The following RCAN2 variants were observed in gnomAD, a reference collection of about 807,000 sequenced individuals.
The protein encoded by RCAN2 is calcipressin-2.
RCAN2 carries 9 observed loss-of-function variants against 23.6 expected under a neutral mutation model. The ratio of observed to expected loss-of-function variants is 0.38; its 90% CI spans 0.23 to 0.67. RCAN2 has a LOEUF of 0.67. RCAN2 is among the 30% of genes least tolerant of loss of function. The pLI is 0.51. For missense variants in RCAN2, 273 were observed against 302.3 expected, an observed-to-expected ratio of 0.90 and a Z score of 0.72; for synonymous variants, 109 against 115.7, an observed-to-expected ratio of 0.94 and a Z score of 0.37.
chr6:46,375,001 G>A (rs763864129), intron 2 of RCAN2, among the ~76,000 whole-genome samples: 1 of 152,140 alleles, frequency 6.6e-6, no homozygotes, highest in Admixed American at 6.5e-5. Context: ...CTGCCTCCCG[G>A]GTTCAAGCAA....
At chr6:46,357,120 C>T (rs1192078659) in intron 2 of RCAN2, among the ~76,000 whole-genome samples, 1 of 152,084 alleles carries the variant, frequency 6.6e-6, no homozygotes, top group South Asian at 2.1e-4. Flanking sequence ...CTGCCTCTGC[C>T]AAGACATAAG....
intron 2 of RCAN2, among the ~76,000 whole-genome samples, chr6:46,349,025 T>C (rs1764570858): frequency 1.3e-5 from 2 of 152,284 alleles, no homozygotes; most frequent in Admixed American, 6.5e-5. Flanking sequence ...AATAGGACAG[T>C]TGAGTCAGAA....
At position 46,221,803 on chromosome 6, in the gene RCAN2, C is replaced by T. The variant is rs539274695; in HGVS notation, c.*1338G>A. ...GCATCTAAAGTAATTCATTAATGTA[C>T]AGGAGTAGATGAGGCCTGGCACACA... On this transcript the variant is annotated 3_prime_UTR_variant, in exon 5 of 5. Coordinates refer to ENST00000371374, the MANE Select transcript of RCAN2 (RefSeq NM_001251974.2). The T allele has an allele frequency of 5.0e-6, 2 of 396,756 alleles. No homozygotes were observed. Among genetic ancestry groups the T allele is most frequent in the South Asian group, 2.7e-4 (2 of 7,342 alleles). 24.6% of individuals were successfully genotyped at this position (396,756 alleles called of 1,614,324 possible). A position where few individuals can be genotyped will look rare whatever the true frequency, so the allele number is the denominator to read the frequency against.
chr6:46,413,405 T>C (rs928559619), intron 2 of RCAN2, among the ~76,000 whole-genome samples: 2 of 152,240 alleles, frequency 1.3e-5, no homozygotes, highest in African/African-American at 4.8e-5. Flanking sequence ...GATTTCCTGC[T>C]AAGATTTTTT....
At chr6:46,265,273 G>T (rs1048513083) in intron 2 of RCAN2, among the ~76,000 whole-genome samples, 1 of 152,150 alleles carries the variant, frequency 6.6e-6, no homozygotes, top group Non-Finnish European at 1.5e-5. Flanking sequence ...TTTCCTCCGT[G>T]TGTGTGGGTA....
At chr6:46,370,716 G>T (rs1765300987) in intron 2 of RCAN2, among the ~76,000 whole-genome samples, 1 of 152,168 alleles carries the variant, frequency 6.6e-6, no homozygotes, top group South Asian at 2.1e-4. Flanking sequence ...ATTTCAGTGT[G>T]TGATCTCTTC....
intron 2 of RCAN2, among the ~76,000 whole-genome samples, chr6:46,299,753 G>C (rs1019878926): frequency 2.0e-5 from 3 of 151,874 alleles, no homozygotes; most frequent in South Asian, 2.1e-4. Flanking sequence ...TACCCTCACT[G>C]GGTTATTGTG....
intron 2 of RCAN2, among the ~76,000 whole-genome samples, chr6:46,380,191 C>T (rs1765581676): frequency 6.6e-6 from 1 of 152,106 alleles, no homozygotes; most frequent in Non-Finnish European, 1.5e-5. Context: ...ATAAAACACA[C>T]CCCCCTCAGA....
intron 2 of RCAN2, among the ~76,000 whole-genome samples, chr6:46,371,449 A>G (rs1765317026): frequency 6.6e-6 from 1 of 152,314 alleles, no homozygotes; most frequent in Non-Finnish European, 1.5e-5. Flanking sequence ...GGCCAGCTCT[A>G]TTCATAGCCA....
chr6:46,376,944 A>T (rs887872885), intron 2 of RCAN2, among the ~76,000 whole-genome samples: 4 of 151,846 alleles, frequency 2.6e-5, no homozygotes, highest in African/African-American at 9.7e-5. Context: ...ATTTGGTGAC[A>T]GATTAAACAC....
chr6:46,366,880 A>T (rs1198457302), intron 2 of RCAN2, among the ~76,000 whole-genome samples: 1 of 151,368 alleles, frequency 6.6e-6, no homozygotes, highest in Non-Finnish European at 1.5e-5. Flanking sequence ...ACCTACAAGG[A>T]TAGTAGCCCC....
intron 2 of RCAN2, among the ~76,000 whole-genome samples, chr6:46,250,791 G>A (rs1205231661): frequency 6.6e-6 from 1 of 152,166 alleles, no homozygotes; most frequent in Non-Finnish European, 1.5e-5. Context: ...GTGAGGTGGG[G>A]TTGTAAAAAC....
intron 2 of RCAN2, among the ~76,000 whole-genome samples, chr6:46,305,467 T>C (rs550231704): frequency 2.0e-5 from 3 of 152,148 alleles, no homozygotes; most frequent in East Asian, 3.9e-4. Context: ...CCAGTCACCA[T>C]TAAAGCACTT....
intron 2 of RCAN2, among the ~76,000 whole-genome samples, chr6:46,449,035 A>G (rs1020057946): frequency 3.3e-5 from 5 of 151,938 alleles, no homozygotes; most frequent in African/African-American, 1.2e-4. Flanking sequence ...AAGAAGTTAA[A>G]TTGTCCTTAT....
intron 2 of RCAN2, among the ~76,000 whole-genome samples, chr6:46,398,559 G>T (rs1766156238): frequency 6.6e-6 from 1 of 152,024 alleles, no homozygotes; most frequent in African/African-American, 2.4e-5. Flanking sequence ...GCCTATATTT[G>T]CTTTTATTTT....
Position 46,328,164 on chromosome 6 carries a change from T to A in RCAN2, c.226-79268A>T, listed in dbSNP as rs188122493. Among the ~76,000 whole-genome samples the A allele has an allele frequency of 8.7e-4, 132 of 152,330 alleles. 1 individual carries two copies. The East Asian group carries it at 0.022, about 25-fold the overall frequency. On this transcript the variant is annotated intron_variant, in intron 2 of 4. Coordinates refer to ENST00000371374, the MANE Select transcript of RCAN2 (RefSeq NM_001251974.2). ...ACTTGAAGTTGTAAAATAGGCAGTT[T>A]TTTTTTTCTGATGTATCCTCAGCTT...
intron 2 of RCAN2, among the ~76,000 whole-genome samples, chr6:46,398,546 A>G (rs1394427441): frequency 6.6e-6 from 1 of 152,180 alleles, no homozygotes; most frequent in African/African-American, 2.4e-5. Context: ...AAAGATGGCC[A>G]CTGCCTATAT....
chr6:46,323,826 A>G (rs187270006), intron 2 of RCAN2, among the ~76,000 whole-genome samples: 18 of 152,354 alleles, frequency 1.2e-4, no homozygotes, highest in Admixed American at 2.6e-4. Context: ...AGCATATTTT[A>G]AACTTTTTCC....
intron 2 of RCAN2, among the ~76,000 whole-genome samples, chr6:46,386,452 A>T (rs1765753859): frequency 6.6e-6 from 1 of 151,600 alleles, no homozygotes; most frequent in Admixed American, 6.6e-5. Flanking sequence ...TACAAAAAAA[A>T]AAAAAATTAG....
Sources: gnomAD v4.1 joint callset for allele counts (sites outside exome capture counted in the v4.1 genomes callset) on GRCh38, gnomAD v4.1.1 for gene constraint, MANE v1.5 for transcripts, NCBI Gene and HGNC (gene_info 2026-07-23, HGNC 2026-07-21) for gene names.